DSCAM: variants seen among roughly 807,000 people sequenced by gnomAD.
DSCAM encodes the protein cell adhesion molecule DSCAM.
DSCAM carries 47 observed loss-of-function variants against 217.7 expected under a neutral mutation model. That is an observed-to-expected ratio of 0.22 (90% CI 0.17 to 0.28). The LOEUF (loss-of-function observed/expected upper bound fraction) is 0.28, where lower values mean the gene tolerates loss of function less well. Ranked by LOEUF, DSCAM falls within the 10% of genes least tolerant of loss-of-function variation. DSCAM has a pLI of 1.00. For missense variants in DSCAM, 2,080 were observed against 2,618.3 expected (o/e 0.79, Z 4.49); for synonymous variants, 1,056 against 1,015.3 (o/e 1.04, Z -0.76).
intron 3 of DSCAM, among the ~76,000 whole-genome samples, chr21:40,633,171 A>G (rs2089714687): frequency 6.6e-6 from 1 of 152,222 alleles, no homozygotes; most frequent in Non-Finnish European, 1.5e-5. Flanking sequence ...ATGCTGGGTG[A>G]CAGTTACTTT....
intron 3 of DSCAM, among the ~76,000 whole-genome samples, chr21:40,431,170 T>G (rs2145895484): frequency 6.6e-6 from 1 of 152,322 alleles, no homozygotes; most frequent in Middle Eastern, 3.4e-3. Flanking sequence ...AAAACTTCCA[T>G]CTAAACTAAT....
At chr21:40,387,142 G>T (rs1256099415) in intron 3 of DSCAM, among the ~76,000 whole-genome samples, 2 of 152,066 alleles carry the variant, frequency 1.3e-5, no homozygotes, top group African/African-American at 4.8e-5. Flanking sequence ...AGGTTTCTCA[G>T]GTAAGGAAAG....
chr21:40,824,529 C>G (rs2091953257), intron 1 of DSCAM, among the ~76,000 whole-genome samples: 1 of 151,770 alleles, frequency 6.6e-6, no homozygotes, highest in African/African-American at 2.4e-5. Flanking sequence ...CCCACCTCAG[C>G]CTCCTCAGTA....
chr21:40,571,671 G>A (rs1038048814), intron 3 of DSCAM, among the ~76,000 whole-genome samples: 8 of 152,192 alleles, frequency 5.3e-5, no homozygotes, highest in Non-Finnish European at 1.2e-4. Flanking sequence ...ATGTGTGTTT[G>A]TTTGTATACA....
intron 10 of DSCAM, among the ~76,000 whole-genome samples, chr21:40,295,063 T>C (rs1313503795): frequency 6.6e-6 from 1 of 151,996 alleles, no homozygotes; most frequent in Non-Finnish European, 1.5e-5. Flanking sequence ...GCTTCCATAA[T>C]GAGAAAATGC....
In DSCAM at chr21:40,517,052, ACT is replaced by A. The variant is rs1405878763; in HGVS notation, c.509-147809_509-147808del. 2.0e-5 allele frequency among the ~76,000 whole-genome samples: 3 copies of A among 147,516 alleles called. No homozygotes were observed. The Admixed American group carries it at 2.1e-4, about 10-fold the overall frequency. ...ATGTATATATATATATACCTTATAT[ACT>A]CTGTGTATATATATACATATGTTAC... On this transcript the variant is annotated intron_variant, in intron 3 of 32. Transcript: ENST00000400454.
At chr21:40,115,330 C>T (rs77190215) in intron 20 of DSCAM, among the ~76,000 whole-genome samples, 1,729 of 152,140 alleles carry the variant, frequency 0.011, 36 homozygotes, top group African/African-American at 0.039. Flanking sequence ...AACCAAACGC[C>T]GCAAGTTCTC....
At chr21:40,048,728 C>T (rs566646739) in intron 30 of DSCAM, among the ~76,000 whole-genome samples, 2 of 152,296 alleles carry the variant, frequency 1.3e-5, no homozygotes, top group South Asian at 4.1e-4. Context: ...ACAAATGATT[C>T]TCTGCAAGTA....
chr21:40,834,620 C>T (rs2092042060), intron 1 of DSCAM, among the ~76,000 whole-genome samples: 1 of 152,004 alleles, frequency 6.6e-6, no homozygotes, highest in South Asian at 2.1e-4. Context: ...CTTCCAGGAG[C>T]ACCTTTGAAT....
intron 3 of DSCAM, among the ~76,000 whole-genome samples, chr21:40,431,527 A>T (rs565058612): frequency 6.6e-6 from 1 of 152,306 alleles, no homozygotes; most frequent in African/African-American, 2.4e-5. Context: ...AGCCTACTCA[A>T]TGTGAAGATG....
intron 32 of DSCAM, among the ~76,000 whole-genome samples, chr21:40,039,297 T>A (rs1485118591): frequency 6.8e-6 from 1 of 148,082 alleles, no homozygotes; most frequent in Non-Finnish European, 1.5e-5. Flanking sequence ...ATTATGCAGA[T>A]GAAATAAAAA....
chr21:40,659,439 A>G (rs1568968323), intron 3 of DSCAM, among the ~76,000 whole-genome samples: 1 of 151,422 alleles, frequency 6.6e-6, no homozygotes, highest in East Asian at 1.9e-4. Flanking sequence ...CATCTCTCTC[A>G]TATCTATTCT....
chr21:40,157,866 T>C (rs1242608202), intron 16 of DSCAM, among the ~76,000 whole-genome samples: 7 of 152,000 alleles, frequency 4.6e-5, no homozygotes, highest in Non-Finnish European at 1.0e-4. Flanking sequence ...AGCTATTTTT[T>C]TTCTTTTGAT....
intron 3 of DSCAM, among the ~76,000 whole-genome samples, chr21:40,664,841 C>G (rs922748174): frequency 5.3e-5 from 8 of 152,136 alleles, no homozygotes; most frequent in Non-Finnish European, 1.2e-4. Context: ...AAATGTGATT[C>G]CCAGTGTTGG....
At position 40,448,845 on chromosome 21, in the gene DSCAM, T is replaced by C. The variant is rs183911791; in HGVS notation, c.509-79600A>G. On this transcript the variant is annotated intron_variant, in intron 3 of 32. Transcript: ENST00000400454. ...CTTGTTCATATTTATTTTGTTTTCT[T>C]GTTGCTGCTATAACAAACTGCCACA... Among the ~76,000 whole-genome samples, 542 of 152,288 alleles carry C rather than the reference T, an allele frequency of 3.6e-3. 3 individuals carry two copies. Among genetic ancestry groups the C allele is most frequent in the Non-Finnish European group, 6.5e-3 (441 of 68,018 alleles).
chr21:40,167,651 C>A (rs550545458), intron 15 of DSCAM, among the ~76,000 whole-genome samples: 1 of 152,292 alleles, frequency 6.6e-6, no homozygotes, highest in South Asian at 2.1e-4. Context: ...CTTCTCTCCC[C>A]GCTGGAAGCT....
intron 16 of DSCAM, among the ~76,000 whole-genome samples, chr21:40,151,285 C>T (rs2090420807): frequency 6.6e-6 from 1 of 152,120 alleles, no homozygotes; most frequent in South Asian, 2.1e-4. Flanking sequence ...CTCTGCAGGC[C>T]AGCTCAGCTT....
chr21:40,677,617 A>T (rs918605638), intron 3 of DSCAM, among the ~76,000 whole-genome samples: 2 of 152,150 alleles, frequency 1.3e-5, no homozygotes, highest in African/African-American at 4.8e-5. Context: ...TCGACTGAAG[A>T]TCTATTTCCC....
chr21:40,340,738 G>C lies in DSCAM; in HGVS notation c.1211-1323C>G, dbSNP rs112404870. On this transcript the variant is annotated intron_variant, in intron 6 of 32. Coordinates refer to ENST00000400454, the MANE Select transcript of DSCAM (RefSeq NM_001389.5). Reference sequence around the variant, plus strand: ...ATTATAAAAGTAATGAATCTCCATTGTTGAATATCTTTTTTGTTGAAAATT... The same window carrying C: ...ATTATAAAAGTAATGAATCTCCATTCTTGAATATCTTTTTTGTTGAAAATT... 4.8e-3 allele frequency among the ~76,000 whole-genome samples: 738 copies of C among 152,248 alleles called. 4 individuals carry two copies. The highest frequency in any genetic ancestry group is 0.016 in the African/African-American group (681 of 41,546).
Sources: allele counts gnomAD v4.1 joint callset (sites outside exome capture counted in the v4.1 genomes callset), GRCh38; gene constraint gnomAD v4.1.1; transcripts MANE v1.5; gene names NCBI Gene and HGNC (gene_info 2026-07-23, HGNC 2026-07-21).